Variants in EBF3 observed in about 807,000 individuals in gnomAD.
EBF3 encodes the protein transcription factor COE3.
EBF3 carries 18 observed loss-of-function variants against 77.1 expected under a neutral mutation model. The observed-to-expected ratio is 0.23, with a 90% CI of 0.16 to 0.35. The LOEUF is 0.35. EBF3 is among the 10% of genes least tolerant of loss of function. The pLI is 1.00. For missense variants in EBF3, 558 were observed against 860.0 expected (o/e 0.65, Z 4.39); for synonymous variants, 350 against 343.5 (o/e 1.02, Z -0.21).
intron 6 of EBF3, among the ~76,000 whole-genome samples, chr10:129,878,367 A>C (rs1564849295): frequency 1.3e-5 from 2 of 152,204 alleles, no homozygotes; most frequent in African/African-American, 4.8e-5. Context: ...CTGCCTAAGC[A>C]AACACACTTT....
chr10:129,863,649 G>C lies in EBF3; in HGVS notation c.1039+3492C>G, dbSNP rs1249300987. ...CACTGATGGGAACCAGACGCCCAGG[G>C]GACGGTGCCTACGTCGTGACATGCA... On this transcript the variant is annotated intron_variant, in intron 10 of 16. Transcript: ENST00000440978. The surrounding 1 kb of genome is among the most constrained non-coding windows in gnomAD (Gnocchi z 4.0). Among the ~76,000 whole-genome samples, 1 of 152,360 alleles carries C rather than the reference G, an allele frequency of 6.6e-6. No individual in the cohort carries two copies. The highest frequency in any genetic ancestry group is 1.9e-4 in the East Asian group (1 of 5,176).
At chr10:129,917,189 C>G (rs1318136113) in intron 6 of EBF3, among the ~76,000 whole-genome samples, 2 of 151,986 alleles carry the variant, frequency 1.3e-5, no homozygotes, top group East Asian at 3.9e-4. Flanking sequence ...GCCAACATGG[C>G]GAAACCCCAT....
intron 6 of EBF3, among the ~76,000 whole-genome samples, chr10:129,926,146 G>A (rs369227992): frequency 2.7e-4 from 41 of 152,320 alleles, no homozygotes; most frequent in Non-Finnish European, 3.8e-4. Context: ...ACTGCTTCCC[G>A]AGGTGCTGTG....
At chr10:129,910,753 GC>G (rs564877568) in intron 6 of EBF3, among the ~76,000 whole-genome samples, 16 of 152,132 alleles carry the variant, frequency 1.1e-4, no homozygotes, top group African/African-American at 3.9e-4. Flanking sequence ...GCACGCTCTA[GC>G]CCACACTGAG....
intron 6 of EBF3, among the ~76,000 whole-genome samples, chr10:129,878,070 T>C (rs1182692204): frequency 2.6e-5 from 4 of 152,260 alleles, no homozygotes; most frequent in South Asian, 4.2e-4. Flanking sequence ...GCCTTGACGC[T>C]GTGGGTGTCC....
chr10:129,912,791 C>G (rs1484424267), intron 6 of EBF3, among the ~76,000 whole-genome samples: 1 of 152,248 alleles, frequency 6.6e-6, no homozygotes, highest in African/African-American at 2.4e-5. Flanking sequence ...GGATTTTAAA[C>G]TTCTCACTCT....
intron 6 of EBF3, among the ~76,000 whole-genome samples, chr10:129,907,819 A>T (rs1855254283): frequency 6.6e-6 from 1 of 152,198 alleles, no homozygotes; most frequent in South Asian, 2.1e-4. Flanking sequence ...TGTCGCATGT[A>T]AAGTGCACTC....
At chr10:129,946,025 A>G (rs1441845620) in intron 6 of EBF3, among the ~76,000 whole-genome samples, 2 of 152,202 alleles carry the variant, frequency 1.3e-5, no homozygotes, top group South Asian at 2.1e-4. Context: ...AAAAAAAAAA[A>G]AAAATCCTGT....
chr10:129,949,557 C>T (rs759092153), intron 6 of EBF3, among the ~76,000 whole-genome samples: 21 of 152,140 alleles, frequency 1.4e-4, no homozygotes, highest in Non-Finnish European at 2.9e-4. Flanking sequence ...GTTGGGGTGA[C>T]CCTGCTAGGG....
chr10:129,868,172 G>T (rs1026420783), intron 8 of EBF3, among the ~76,000 whole-genome samples: 1 of 152,266 alleles, frequency 6.6e-6, no homozygotes, highest in Admixed American at 6.5e-5. Flanking sequence ...ATGTGTCAGC[G>T]CAAATATGAC....
chr10:129,890,161 T>A (rs915752773), intron 6 of EBF3, among the ~76,000 whole-genome samples: 11 of 152,132 alleles, frequency 7.2e-5, no homozygotes, highest in Non-Finnish European at 1.6e-4. Flanking sequence ...AATTTTTTCA[T>A]GTATAAAATC....
At chr10:129,857,899 A>T (rs1473567099) in intron 10 of EBF3, among the ~76,000 whole-genome samples, 2 of 152,212 alleles carry the variant, frequency 1.3e-5, no homozygotes, top group Non-Finnish European at 2.9e-5. Flanking sequence ...GTTGATGGCG[A>T]GCTTCCACAG....
chr10:129,862,860 C>T (rs574989555), intron 10 of EBF3, among the ~76,000 whole-genome samples: 6 of 152,226 alleles, frequency 3.9e-5, no homozygotes, highest in Non-Finnish European at 5.9e-5. Flanking sequence ...TGCGTTTCTA[C>T]GGGTGAAATT....
At chr10:129,899,420 T>C (rs1564870348) in intron 6 of EBF3, among the ~76,000 whole-genome samples, 2 of 152,252 alleles carry the variant, frequency 1.3e-5, no homozygotes, top group Non-Finnish European at 2.9e-5. Flanking sequence ...CACCATGGAC[T>C]GTGCCGGAGG....
chr10:129,901,082 C>T (rs1483101541), intron 6 of EBF3, among the ~76,000 whole-genome samples: 1 of 152,214 alleles, frequency 6.6e-6, no homozygotes, highest in Non-Finnish European at 1.5e-5. Context: ...CCATTCTCAA[C>T]TGTAGGATGC....
At chr10:129,904,627 A>AATGGATGGATGGATGG (rs34613166) in intron 6 of EBF3, among the ~76,000 whole-genome samples, 1 of 149,710 alleles carries the variant, frequency 6.7e-6, no homozygotes, top group African/African-American at 2.5e-5. Flanking sequence ...TGGATGGACA[A>AATGGATGGATGGATGG]ATGGATGGAT....
intron 10 of EBF3, among the ~76,000 whole-genome samples, chr10:129,853,153 C>G (rs2134001574): frequency 6.6e-6 from 1 of 152,336 alleles, no homozygotes; most frequent in East Asian, 1.9e-4. Context: ...AATTGCTCTT[C>G]CAGCCACAGT....
chr10:129,844,101 C>T (rs1457902845), intron 11 of EBF3, among the ~76,000 whole-genome samples: 1 of 152,232 alleles, frequency 6.6e-6, no homozygotes, highest in African/African-American at 2.4e-5. Context: ...GAGTTTCTTT[C>T]CAACTCCATT....
chr10:129,851,127 A>C (rs1850850428), intron 10 of EBF3, among the ~76,000 whole-genome samples: 1 of 152,164 alleles, frequency 6.6e-6, no homozygotes, highest in African/African-American at 2.4e-5. Context: ...TATTAAGATA[A>C]ATTGCCTGAT....
Sources: allele counts gnomAD v4.1 joint callset (sites outside exome capture counted in the v4.1 genomes callset), GRCh38; gene constraint gnomAD v4.1.1; non-coding constraint Gnocchi (gnomAD v3.1); transcripts MANE v1.5; gene names NCBI Gene and HGNC (gene_info 2026-07-23, HGNC 2026-07-21).